The following PTPRD variants were observed in gnomAD, a reference collection of about 807,000 sequenced individuals.
PTPRD encodes the protein protein tyrosine phosphatase receptor type D.
In PTPRD, 34 loss-of-function variants were observed where a neutral mutation model predicts 214.5. The observed-to-expected ratio is 0.16, with a 90% CI of 0.12 to 0.21. The LOEUF is 0.21. Ranked by LOEUF, PTPRD falls within the 10% of genes least tolerant of loss-of-function variation. The pLI, the probability that PTPRD is intolerant of heterozygous loss-of-function variation, is 1.00. For missense variants in PTPRD, 2,545 were observed against 2,398.7 expected (o/e 1.06, Z -1.27); for synonymous variants, 1,128 against 845.7 (o/e 1.33, Z -5.79).
chr9:10,381,297 G>C (rs916552240), intron 2 of PTPRD, among the ~76,000 whole-genome samples: 4 of 151,848 alleles, frequency 2.6e-5, no homozygotes, highest in Non-Finnish European at 5.9e-5. Flanking sequence ...AAGTATTTTA[G>C]TTGCCTAGGA....
intron 9 of PTPRD, among the ~76,000 whole-genome samples, chr9:9,208,762 A>G (rs764056801): frequency 2.0e-5 from 3 of 152,124 alleles, no homozygotes; most frequent in African/African-American, 4.8e-5. Flanking sequence ...TTAAGCATCA[A>G]TGGTCTCAAA....
intron 10 of PTPRD, among the ~76,000 whole-genome samples, chr9:9,131,683 T>C (rs2099842875): frequency 6.6e-6 from 1 of 152,196 alleles, no homozygotes; most frequent in African/African-American, 2.4e-5. Context: ...TATCAGTATA[T>C]GCCCAAAGAG....
intron 8 of PTPRD, among the ~76,000 whole-genome samples, chr9:9,456,680 C>G (rs767820491): frequency 1.3e-5 from 2 of 151,760 alleles, no homozygotes; most frequent in Non-Finnish European, 2.9e-5. Context: ...TCATACATAT[C>G]TGTATTTTTT....
At chr9:9,141,003 T>C (rs1472116588) in intron 10 of PTPRD, among the ~76,000 whole-genome samples, 1 of 152,284 alleles carries the variant, frequency 6.6e-6, no homozygotes, top group East Asian at 1.9e-4. Flanking sequence ...GCCAAAGACA[T>C]ATAAACAAAA....
intron 10 of PTPRD, among the ~76,000 whole-genome samples, chr9:9,087,608 T>A (rs1444320188): frequency 6.6e-6 from 1 of 152,126 alleles, no homozygotes; most frequent in South Asian, 2.1e-4. Context: ...GTTACTTACA[T>A]TGTGCTAGAG....
At chr9:10,031,647 T>TATATATATATACACACACACACACACAC in intron 4 of PTPRD, among the ~76,000 whole-genome samples, 11 of 89,640 alleles carry the variant, frequency 1.2e-4, no homozygotes, top group African/African-American at 4.9e-4. Flanking sequence ...TATATATATA[T>TATATATATATACACACACACACACACAC]ACACACACAC....
At chr9:8,858,490 G>C (rs1374653946) in intron 11 of PTPRD, among the ~76,000 whole-genome samples, 1 of 152,050 alleles carries the variant, frequency 6.6e-6, no homozygotes, top group Non-Finnish European at 1.5e-5. Flanking sequence ...TTGGGGAGGG[G>C]GGAAAATTAA....
At chr9:9,387,180 T>C (rs999135996) in intron 9 of PTPRD, among the ~76,000 whole-genome samples, 1 of 152,204 alleles carries the variant, frequency 6.6e-6, no homozygotes. Context: ...GCATCTCTAA[T>C]GTTTTCAGTG....
intron 2 of PTPRD, among the ~76,000 whole-genome samples, chr9:10,458,112 T>C (rs1447014348): frequency 6.6e-6 from 1 of 152,036 alleles, no homozygotes; most frequent in African/African-American, 2.4e-5. Flanking sequence ...TATAGCTGAA[T>C]TTGACCAAAC....
chr9:9,682,562 T>C lies in PTPRD; in HGVS notation c.-287+51971A>G, dbSNP rs561112642. Among the ~76,000 whole-genome samples the C allele has an allele frequency of 2.2e-4, 34 of 151,704 alleles. 1 individual carries two copies. The highest frequency in any genetic ancestry group is 2.1e-4 in the South Asian group (1 of 4,826). On this transcript the variant is annotated intron_variant, in intron 7 of 45. Coordinates refer to ENST00000381196, the MANE Select transcript of PTPRD (RefSeq NM_002839.4). ...AAGTGTGGGTCCTTATGGAGGAATGTTGGGGAAAGAAAAGAAGGTAGGGAA... is the reference window on the plus strand; with the variant it reads ...AAGTGTGGGTCCTTATGGAGGAATGCTGGGGAAAGAAAAGAAGGTAGGGAA...
intron 6 of PTPRD, among the ~76,000 whole-genome samples, chr9:9,747,132 G>C (rs564966819): frequency 6.6e-6 from 1 of 152,210 alleles, no homozygotes; most frequent in East Asian, 1.9e-4. Flanking sequence ...GTCCCTAAAA[G>C]AATACAAGTT....
intron 39 of PTPRD, among the ~76,000 whole-genome samples, chr9:8,363,268 C>G (rs1457865076): frequency 1.3e-5 from 2 of 152,138 alleles, no homozygotes; most frequent in Non-Finnish European, 2.9e-5. Flanking sequence ...TTAAAAAACC[C>G]AGCATCTTCA....
At chr9:8,704,553 A>C (rs926977173) in intron 12 of PTPRD, among the ~76,000 whole-genome samples, 12 of 152,196 alleles carry the variant, frequency 7.9e-5, no homozygotes, top group Non-Finnish European at 1.8e-4. Context: ...GGGATGCATT[A>C]AAGGTTAAGT....
intron 9 of PTPRD, among the ~76,000 whole-genome samples, chr9:9,321,394 A>G (rs950572014): frequency 1.3e-5 from 2 of 152,072 alleles, no homozygotes; most frequent in African/African-American, 4.8e-5. Context: ...CATCTCTACC[A>G]GAAATGCAAA....
At chr9:10,431,862 G>A (rs900084764) in intron 2 of PTPRD, among the ~76,000 whole-genome samples, 6 of 152,202 alleles carry the variant, frequency 3.9e-5, no homozygotes, top group African/African-American at 1.4e-4. Flanking sequence ...TTCAACCATT[G>A]TGGAAGACAG....
At chr9:8,905,613 C>T (rs2098702262) in intron 11 of PTPRD, among the ~76,000 whole-genome samples, 1 of 151,774 alleles carries the variant, frequency 6.6e-6, no homozygotes, top group African/African-American at 2.4e-5. Flanking sequence ...GTGGCGAGTG[C>T]CTGTAATCTC....
chr9:10,175,476 T>C (rs1389687424), intron 3 of PTPRD, among the ~76,000 whole-genome samples: 1 of 152,060 alleles, frequency 6.6e-6, no homozygotes, highest in East Asian at 1.9e-4. Flanking sequence ...TACCTTAAGA[T>C]ATAATGATTA....
chr9:9,582,473 C>T (rs1046553279), intron 7 of PTPRD, among the ~76,000 whole-genome samples: 1 of 151,984 alleles, frequency 6.6e-6, no homozygotes, highest in Non-Finnish European at 1.5e-5. Flanking sequence ...GACAGTGTGG[C>T]ATGTTATCTC....
chr9:9,290,493 T>G (rs1179899886), intron 9 of PTPRD, among the ~76,000 whole-genome samples: 1 of 151,558 alleles, frequency 6.6e-6, no homozygotes, highest in East Asian at 1.9e-4. Context: ...TGAAAAACAA[T>G]GTCAAGGAGT....
Sources: allele counts gnomAD v4.1 joint callset (sites outside exome capture counted in the v4.1 genomes callset), GRCh38; gene constraint gnomAD v4.1.1; transcripts MANE v1.5; gene names NCBI Gene and HGNC (gene_info 2026-07-23, HGNC 2026-07-21).